The following COL16A1 variants were observed in gnomAD, a reference collection of about 807,000 sequenced individuals.
COL16A1 encodes collagen type XVI alpha 1 chain, also known as collagen alpha-1(XVI) chain.
A neutral mutation model predicts 266.3 loss-of-function variants in COL16A1; 189 were observed. The observed-to-expected ratio is 0.71, with a 90% CI of 0.63 to 0.80. The LOEUF (loss-of-function observed/expected upper bound fraction) is 0.80, where lower values mean the gene tolerates loss of function less well. Ranked by LOEUF, COL16A1 falls within the 30% of genes least tolerant of loss-of-function variation. The pLI is 0.00. For synonymous variants in COL16A1, 740 were observed against 782.3 expected (o/e 0.95, Z 0.90); for missense variants, 1,928 against 2,122.4 (o/e 0.91, Z 1.80).
At position 31,683,263 on chromosome 1, in the gene COL16A1, C is replaced by T. The variant is rs376956959; in HGVS notation, c.2416-16G>A. The stretch of plus-strand genomic sequence containing the variant: ...CCGGAAGTCCCTGCAGATGGAAGCA[C>T]AGTTAGTTAACCCATATCCTAGAAT... On this transcript the variant is annotated splice_polypyrimidine_tract_variant and intron_variant, in intron 35 of 70. Coordinates refer to ENST00000373672, the MANE Select transcript of COL16A1 (RefSeq NM_001856.4). 1 of 1,614,168 alleles carries T rather than the reference C, an allele frequency of 6.2e-7. No individual in the cohort carries two copies. Among genetic ancestry groups the T allele is most frequent in the Non-Finnish European group, 8.5e-7 (1 of 1,180,030 alleles).
intron 61 of COL16A1, 67 bp from the exon 62 acceptor site, chr1:31,660,705 A>G: frequency 6.2e-7 from 1 of 1,604,402 alleles, no homozygotes; most frequent in Admixed American, 1.7e-5. Context: ...TGGCTGTCGG[A>G]TGGGAGGGGG....
At position 31,697,266 on chromosome 1, in the gene COL16A1, G is replaced by T; in HGVS notation, c.692C>A (p.Pro231Gln). The change falls in exon 7 of 71, where the codon CCG becomes CAG. Residue 231 changes from proline (P) to glutamine (Q), a missense_variant. Around this residue, in one of 2 missense-constraint regions of COL16A1, gnomAD observed 1,552 missense variants for 1,637.2 expected, o/e 0.95. Transcript: ENST00000373672. This position sits in a 1 kb window ranked among gnomAD's most constrained non-coding sequence, Gnocchi z 4.2. The part of the protein sequence containing the change: ...DLQQVHIYCD[P>Q]ELVLEEGCCE... ...GCAGCCCTCCTCCAGCACGAGCTCCGGGTCACAGTAGATGTGCACCTGCTG... is the reference window on the plus strand; with the variant it reads ...GCAGCCCTCCTCCAGCACGAGCTCCTGGTCACAGTAGATGTGCACCTGCTG... 1.2e-6 allele frequency: 2 copies of T among 1,612,130 alleles called. No individual in the cohort carries two copies. Among genetic ancestry groups the T allele is most frequent in the East Asian group, 2.2e-5 (1 of 44,760 alleles).
At chr1:31,684,357 GGCC>G in intron 31 of COL16A1, 126 bp from the exon 32 acceptor site, 1 of 1,451,788 alleles carries the variant, frequency 6.9e-7, no homozygotes, top group Non-Finnish European at 9.1e-7. Context: ...AATCAAAACA[GGCC>G]CCTGACACTC....
intron 39 of COL16A1, among the ~76,000 whole-genome samples, chr1:31,680,546 A>G (rs1049796132): frequency 1.3e-5 from 2 of 151,974 alleles, no homozygotes; most frequent in Non-Finnish European, 2.9e-5. Context: ...AGTCCTTTCC[A>G]GCTCACTTCC....
chr1:31,668,996 G>T lies in COL16A1; in HGVS notation c.3196-141C>A. 1.4e-6 allele frequency: 1 copy of T among 712,352 alleles called. No individual in the cohort carries two copies. The highest frequency in any genetic ancestry group is 2.7e-5 in the East Asian group (1 of 36,788). The allele number at this position is 712,352 out of a possible 1,614,324, so 44.1% of individuals were successfully genotyped here. On this transcript the variant is annotated intron_variant, in intron 49 of 70. Transcript: ENST00000373672. This position sits in a 1 kb window ranked among gnomAD's most constrained non-coding sequence, Gnocchi z 5.8. The stretch of plus-strand genomic sequence containing the variant: ...AGTGGCTCTCGTAGTGTCCCTAGAA[G>T]GTGACCCGTAATGGGTGTGCTCCAG...
Position 31,675,294 on chromosome 1 carries a change from G to A in COL16A1, c.2790C>T (p.Asn930=), listed in dbSNP as rs187770784. 1,011 of 1,614,122 alleles carry A rather than the reference G, an allele frequency of 6.3e-4. 6 individuals carry two copies. Among genetic ancestry groups the A allele is most frequent in the Non-Finnish European group, 3.7e-4 (437 of 1,180,002 alleles). The change falls in exon 43 of 71, where the codon AAC becomes AAT. Residue 930 remains asparagine, a synonymous_variant. Coordinates refer to ENST00000373672, the MANE Select transcript of COL16A1 (RefSeq NM_001856.4). Reference sequence around the variant, plus strand: ...TGAGCCCAGGCTGTCCTGGCAAACCGTTGTTTCCAGGCACTCCCTGTAGCC... The same window carrying A: ...TGAGCCCAGGCTGTCCTGGCAAACCATTGTTTCCAGGCACTCCCTGTAGCC... ...VPGLQGVPGN[N]GLPGQPGLTA... is the part of the protein sequence containing the mutation.
In COL16A1 at chr1:31,670,810, C is replaced by T. The variant is rs1347411878; in HGVS notation, c.3151-164G>A. Among the ~76,000 whole-genome samples, 1 of 152,214 alleles carries T rather than the reference C, an allele frequency of 6.6e-6. No individual in the cohort carries two copies. The highest frequency in any genetic ancestry group is 1.5e-5 in the Non-Finnish European group (1 of 68,042). On this transcript the variant is annotated intron_variant, in intron 48 of 70. Transcript: ENST00000373672. This position sits in a 1 kb window ranked among gnomAD's most constrained non-coding sequence, Gnocchi z 4.5. ...TTGAAAGTCTTGGCTCAAAAGACAA[C>T]TGTTCCTCCCCTTGGCTCCAGGAAG... is the stretch of plus-strand genomic sequence containing the variant.
At chr1:31,700,886 G>A (rs1435873941) in intron 2 of COL16A1, among the ~76,000 whole-genome samples, 1 of 152,230 alleles carries the variant, frequency 6.6e-6, no homozygotes, top group Non-Finnish European at 1.5e-5. Flanking sequence ...CCCAGAGAAG[G>A]AGATAGCTTA....
chr1:31,680,710 G>A (rs1033421582), intron 39 of COL16A1, among the ~76,000 whole-genome samples, 195 bp downstream of exon 39: 1 of 152,160 alleles, frequency 6.6e-6, no homozygotes, highest in African/African-American at 2.4e-5. Flanking sequence ...CAGAAAGCTG[G>A]GGGTAGCAAG....
rs2297679 is a variant in COL16A1 at position 31,691,408 on chromosome 1, G to T, written c.1398+9C>A. On this transcript the variant is annotated intron_variant, in intron 19 of 70. Coordinates refer to ENST00000373672, the MANE Select transcript of COL16A1 (RefSeq NM_001856.4). Reference sequence around the variant, plus strand: ...AAAAGCACAGCAGGAGAAGCAAGGGGGTACTCACCGGGGTCCCAGGCAGTC... The same window carrying T: ...AAAAGCACAGCAGGAGAAGCAAGGGTGTACTCACCGGGGTCCCAGGCAGTC... 238,363 of 1,606,712 alleles carry T rather than the reference G, an allele frequency of 0.15. 21,793 individuals are homozygous for T. The highest frequency in any genetic ancestry group is 0.38 in the South Asian group (34,219 of 90,300).
At chr1:31,671,559 G>A (rs994844912) in intron 48 of COL16A1, 56 bp downstream of exon 48, 2 of 1,609,370 alleles carry the variant, frequency 1.2e-6, no homozygotes, top group African/African-American at 1.3e-5. Flanking sequence ...TGGTGTCTGA[G>A]TGTAATGACC....
chr1:31,680,352 T>A lies in COL16A1; in HGVS notation c.2611-251A>T, dbSNP rs117092820. ...CAAAATGGATTCGTGTATGCAGGGG[T>A]CCTGTCGCATGGTGATTATTCAGCA... is the stretch of plus-strand genomic sequence containing the variant. On this transcript the variant is annotated intron_variant, in intron 39 of 70. Transcript: ENST00000373672. Among the ~76,000 whole-genome samples, 894 of 152,196 alleles carry A rather than the reference T, an allele frequency of 5.9e-3. 12 individuals are homozygous for A. Among genetic ancestry groups the A allele is most frequent in the East Asian group, 0.025 (131 of 5,176 alleles).
In COL16A1 at chr1:31,688,411, C is replaced by A; in HGVS notation, c.1803+56G>T. 6.2e-7 allele frequency: 1 copy of A among 1,600,536 alleles called. No homozygotes were observed. Among genetic ancestry groups the A allele is most frequent in the Non-Finnish European group, 8.6e-7 (1 of 1,167,724 alleles). ...CTTATTCCCCGCCCGCACCACTCCT[C>A]CCCTGCCTGCCTGCCAAGAAACTCC... On this transcript the variant is annotated intron_variant, in intron 26 of 70. Coordinates refer to ENST00000373672, the MANE Select transcript of COL16A1 (RefSeq NM_001856.4). The surrounding 1 kb of genome is among the most constrained non-coding windows in gnomAD (Gnocchi z 4.9).
rs765829708 is a variant in COL16A1 at position 31,683,330 on chromosome 1, G to A, written c.2415+4C>T. 14 of 1,614,182 alleles carry A rather than the reference G, an allele frequency of 8.7e-6. No homozygotes were observed. The highest frequency in any genetic ancestry group is 7.6e-6 in the Non-Finnish European group (9 of 1,180,042). ...ATCCTCCTTCAGGACTCAGGCAGACGTACCTGAATGCCAGGCAAACCCGGG... is the reference window on the plus strand; with the variant it reads ...ATCCTCCTTCAGGACTCAGGCAGACATACCTGAATGCCAGGCAAACCCGGG... On this transcript the variant is annotated splice_donor_region_variant and intron_variant, in intron 35 of 70. Coordinates refer to ENST00000373672, the MANE Select transcript of COL16A1 (RefSeq NM_001856.4).
rs368294069 is a variant in COL16A1, at chr1:31,684,657, C to G, written c.2053-27G>C. The G allele has an allele frequency of 1.1e-3, 1,772 of 1,611,344 alleles. 2 individuals are homozygous for G. Among genetic ancestry groups the G allele is most frequent in the Non-Finnish European group, 1.5e-3 (1,724 of 1,178,086 alleles). ...TGTAAGGAGTGGGGTTCAAGGAAAG[C>G]AAGGATGGCCCAGCCGGGGGCAGGT... is the stretch of plus-strand genomic sequence containing the variant. On this transcript the variant is annotated intron_variant, in intron 30 of 70. Coordinates refer to ENST00000373672, the MANE Select transcript of COL16A1 (RefSeq NM_001856.4).
In COL16A1 at chr1:31,664,128, G is replaced by A. The variant is rs1256748858; in HGVS notation, c.3555+1044C>T. Among the ~76,000 whole-genome samples, 12 of 138,664 alleles carry A rather than the reference G, an allele frequency of 8.7e-5. No individual in the cohort carries two copies. In the Admixed American group the frequency reaches 9.1e-4, roughly 10 times the overall value. 91.0% of individuals were successfully genotyped at this position (138,664 alleles called of 152,430 possible). On this transcript the variant is annotated intron_variant, in intron 56 of 70. Transcript: ENST00000373672. This position sits in a 1 kb window ranked among gnomAD's most constrained non-coding sequence, Gnocchi z 5.5. ...CAATGACCAGCCTAAGGAGAGCAGGGGCTGCCACTCAGGTCCTGGGGAGGG... is the reference window on the plus strand; with the variant it reads ...CAATGACCAGCCTAAGGAGAGCAGGAGCTGCCACTCAGGTCCTGGGGAGGG...
intron 44 of COL16A1, 64 bp downstream of exon 44, chr1:31,674,943 C>A: frequency 6.3e-7 from 1 of 1,592,860 alleles, no homozygotes; most frequent in Non-Finnish European, 8.6e-7. Flanking sequence ...TGAGCACTTA[C>A]TAAGAGAATC....
rs532421475 is a variant in COL16A1, at chr1:31,670,611, G to A, written c.3186C>T (p.Pro1062=). ...PPGFPGAVGS[P]GLPGLQGERG... is the part of the protein sequence containing the mutation. ...AGCGCTAGGTTCTTACAGGCAATCC[G>A]GGGGAGCCAACAGCACCAGGAAAAC... is the stretch of plus-strand genomic sequence containing the variant. Residue 1062 remains proline, a synonymous_variant, in exon 49 of 71, where the codon CCC becomes CCT. Coordinates refer to ENST00000373672, the MANE Select transcript of COL16A1 (RefSeq NM_001856.4). This position sits in a 1 kb window ranked among gnomAD's most constrained non-coding sequence, Gnocchi z 4.5. The A allele has an allele frequency of 1.1e-5, 16 of 1,413,068 alleles. No homozygotes were observed. Among genetic ancestry groups the A allele is most frequent in the South Asian group, 1.6e-5 (1 of 61,574 alleles). 87.5% of individuals were successfully genotyped at this position (1,413,068 alleles called of 1,614,324 possible).
rs376617047 is a variant in COL16A1, at chr1:31,683,232, G to C, written c.2431C>G (p.Arg811Gly). The change falls in exon 36 of 71, where the codon CGG (arginine) becomes GGG (glycine). Residue 811 changes from arginine to glycine, a missense_variant. Physicochemically the swap from Arg to Gly is moderately radical, Grantham distance 125 (BLOSUM62 -2). Around this residue, in one of 2 missense-constraint regions of COL16A1, gnomAD observed 1,552 missense variants for 1,637.2 expected, o/e 0.95. Transcript: ENST00000373672. ...LPGIQGLPGP[R>G]GPPGPTGEKG... is the part of the protein sequence containing the mutation. The stretch of plus-strand genomic sequence containing the variant: ...TCTCCAGTGGGGCCAGGTGGTCCCC[G>C]AGGTCCCGGAAGTCCCTGCAGATGG... The C allele has an allele frequency of 6.2e-7, 1 of 1,614,012 alleles. No homozygotes were observed. Among genetic ancestry groups the C allele is most frequent in the African/African-American group, 1.3e-5 (1 of 74,900 alleles).
Sources: allele counts gnomAD v4.1 joint callset (sites outside exome capture counted in the v4.1 genomes callset), GRCh38; gene constraint gnomAD v4.1.1; regional missense constraint gnomAD v4.1.1; non-coding constraint Gnocchi (gnomAD v3.1); transcripts MANE v1.5; gene names NCBI Gene and HGNC (gene_info 2026-07-23, HGNC 2026-07-21).